OLFM4: variants seen among roughly 807,000 people sequenced by gnomAD.
OLFM4 encodes olfactomedin 4, also known as olfactomedin-4.
In OLFM4, 22 loss-of-function variants were observed where a neutral mutation model predicts 25.5. That is an observed-to-expected ratio of 0.86 (90% confidence interval 0.62 to 1.23). The LOEUF is 1.23. Ranked by LOEUF, OLFM4 falls within the 50% of genes most tolerant of loss-of-function variation. The pLI, the probability that OLFM4 is intolerant of heterozygous loss-of-function variation, is 0.00. For synonymous variants in OLFM4, 255 were observed against 237.7 expected (o/e 1.07, Z -0.67); for missense variants, 594 against 619.4 (o/e 0.96, Z 0.44).
rs895491883 is a variant in OLFM4 at position 53,050,239 on chromosome 13, A to G, written c.1001A>G (p.Tyr334Cys). Reference sequence around the variant, plus strand: ...GGCCAAGGTAGTGGTACAGCAGTTTACAACAACAACATGTACGTCAACATG... The same window carrying G: ...GGCCAAGGTAGTGGTACAGCAGTTTGCAACAACAACATGTACGTCAACATG... ...TYGQGSGTAVYNNNMYVNMYN... is the reference protein window; with the variant it reads ...TYGQGSGTAVCNNNMYVNMYN... The change falls in exon 5 of 5, where the codon TAC becomes TGC. Residue 334 changes from tyrosine to cysteine, a missense_variant. Tyr to Cys is a radical substitution (Grantham distance 194). Coordinates refer to ENST00000219022, the MANE Select transcript of OLFM4 (RefSeq NM_006418.5). 1 of 1,613,946 alleles carries G rather than the reference A, an allele frequency of 6.2e-7. No homozygotes were observed. Among genetic ancestry groups the G allele is most frequent in the African/African-American group, 1.3e-5 (1 of 74,918 alleles).
chr13:53,049,988 T>A lies in OLFM4; in HGVS notation c.750T>A (p.Gly250=). The change falls in exon 5 of 5, where the codon GGT becomes GGA. Residue 250 remains glycine, a synonymous_variant. Coordinates refer to ENST00000219022, the MANE Select transcript of OLFM4 (RefSeq NM_006418.5). ...GTATAGGGAGCTGTGGTCATGGTGGTGTGGTGAACATCAGCAAACCGTCTG... is the reference window on the plus strand; with the variant it reads ...GTATAGGGAGCTGTGGTCATGGTGGAGTGGTGAACATCAGCAAACCGTCTG... ...PPTPGSCGHG[G]VVNISKPSVV... is the part of the protein sequence containing the mutation. 6.2e-7 allele frequency: 1 copy of A among 1,608,226 alleles called. No homozygotes were observed. The highest frequency in any genetic ancestry group is 8.5e-7 in the Non-Finnish European group (1 of 1,175,148).
intron 4 of OLFM4, among the ~76,000 whole-genome samples, chr13:53,045,116 C>T (rs546565034): frequency 6.6e-6 from 1 of 152,108 alleles, no homozygotes; most frequent in Non-Finnish European, 1.5e-5. Flanking sequence ...CTGGTCAGTT[C>T]AGGACCGAAG....
At chr13:53,047,362 G>A (rs1047473661) in intron 4 of OLFM4, among the ~76,000 whole-genome samples, 3 of 152,088 alleles carry the variant, frequency 2.0e-5, no homozygotes, top group Non-Finnish European at 2.9e-5. Flanking sequence ...TTTCAGTATC[G>A]TGTCCAAGAT....
At chr13:53,044,164 C>G (rs999445105) in intron 4 of OLFM4, among the ~76,000 whole-genome samples, 2 of 152,148 alleles carry the variant, frequency 1.3e-5, no homozygotes, top group Non-Finnish European at 2.9e-5. Flanking sequence ...GGCACTCACA[C>G]GCTGGCAATG....
chr13:53,029,158 T>G, intron 1 of OLFM4, 118 bp downstream of exon 1: 1 of 1,430,848 alleles, frequency 7.0e-7, no homozygotes, highest in South Asian at 1.3e-5. Flanking sequence ...TTACGACTCA[T>G]TTTGTTAACT....
chr13:53,050,642 C>T lies in OLFM4; in HGVS notation c.1404C>T (p.Asp468=), dbSNP rs747076426. The T allele has an allele frequency of 4.3e-6, 7 of 1,613,802 alleles. No individual in the cohort carries two copies. Among genetic ancestry groups the T allele is most frequent in the Non-Finnish European group, 2.5e-6 (3 of 1,179,936 alleles). ...DTNTGKEGKL[D]IVMHKMQEKV... The stretch of plus-strand genomic sequence containing the variant: ...ACACAGGGAAAGAGGGCAAACTAGA[C>T]ATTGTAATGCATAAGATGCAGGAAA... Residue 468 remains aspartate, a synonymous_variant, in exon 5 of 5, where the codon GAC becomes GAT. Transcript: ENST00000219022.
In OLFM4 at chr13:53,041,953, T is replaced by A. The variant is rs1954689115; in HGVS notation, c.401T>A (p.Leu134Gln). ...VQLISVYEKK[L>Q]LNLTVRIDIM... ...TTAATTAGTGTGTATGAAAAGAAAC[T>A]GTTAAACCTAACTGTCCGAATTGAC... Residue 134 changes from leucine to glutamine, a missense_variant, in exon 3 of 5, where the codon CTG (leucine) becomes CAG (glutamine). By Grantham distance (113) the Leu-to-Gln change is moderately radical. Transcript: ENST00000219022. 1 of 1,613,872 alleles carries A rather than the reference T, an allele frequency of 6.2e-7. No homozygotes were observed. Among genetic ancestry groups the A allele is most frequent in the African/African-American group, 1.3e-5 (1 of 74,914 alleles).
At chr13:53,034,951 T>G (rs1954650532) in intron 2 of OLFM4, among the ~76,000 whole-genome samples, 1 of 152,176 alleles carries the variant, frequency 6.6e-6, no homozygotes, top group East Asian at 1.9e-4. Flanking sequence ...ATTCCATTCC[T>G]GCATCCTTTA....
chr13:53,033,106 G>A lies in OLFM4; in HGVS notation c.205-1242G>A, dbSNP rs116728189. 5.7e-3 allele frequency among the ~76,000 whole-genome samples: 864 copies of A among 152,252 alleles called. 6 individuals carry two copies. Among genetic ancestry groups the A allele is most frequent in the African/African-American group, 0.019 (808 of 41,548 alleles). ...AGGGTTACTCTGTAAGGCAATAGTA[G>A]TAATAAAAAAATGTTAATTGTGCTG... On this transcript the variant is annotated intron_variant, in intron 1 of 4. Transcript: ENST00000219022.
rs769807500 is a variant in OLFM4 at position 53,050,415 on chromosome 13, TG to T, written c.1180del (p.Val394LeufsTer13). 1 of 1,614,056 alleles carries T rather than the reference TG, an allele frequency of 6.2e-7. No individual in the cohort carries two copies. Among genetic ancestry groups the T allele is most frequent in the South Asian group, 1.1e-5 (1 of 91,072 alleles). On this transcript the variant is annotated frameshift_variant, in exon 5 of 5. Coordinates refer to ENST00000219022, the MANE Select transcript of OLFM4 (RefSeq NM_006418.5). LOFTEE classifies it high-confidence loss of function. Reference protein sequence around the residue: ...IDFAVDENGLWVIYSTEASTG... With the variant: ...IDFAVDENGLXVIYSTEASTG... ...CTTTGCTGTGGATGAGAATGGATTG[TG>T]GGTTATTTATTCAACTGAAGCCAGC...
chr13:53,041,539 G>A (rs765087462), intron 2 of OLFM4, among the ~76,000 whole-genome samples: 1 of 152,118 alleles, frequency 6.6e-6, no homozygotes, highest in Non-Finnish European at 1.5e-5. Context: ...TAGTACCTGC[G>A]AGACAAAATA....
intron 1 of OLFM4, among the ~76,000 whole-genome samples, chr13:53,030,768 T>C (rs760221717): frequency 2.7e-4 from 41 of 152,246 alleles, no homozygotes; most frequent in Non-Finnish European, 4.4e-4. Flanking sequence ...TCTGTACATA[T>C]AGGTTTCTAT....
intron 1 of OLFM4, among the ~76,000 whole-genome samples, chr13:53,032,840 G>A (rs1037330415): frequency 1.3e-5 from 2 of 152,156 alleles, no homozygotes; most frequent in Middle Eastern, 3.4e-3. Flanking sequence ...GAAGCATCTA[G>A]ACCCAGCTTG....
At chr13:53,047,354 T>A (rs1954721032) in intron 4 of OLFM4, among the ~76,000 whole-genome samples, 1 of 152,082 alleles carries the variant, frequency 6.6e-6, no homozygotes, top group African/African-American at 2.4e-5. Flanking sequence ...GCTGTCAGTT[T>A]CAGTATCGTG....
chr13:53,028,980 C>T lies in OLFM4; in HGVS notation c.144C>T (p.Ser48=). 1 of 1,614,182 alleles carries T rather than the reference C, an allele frequency of 6.2e-7. No homozygotes were observed. Among genetic ancestry groups the T allele is most frequent in the African/African-American group, 1.3e-5 (1 of 75,058 alleles). ...TTGACTCCAGCTCCAGCTTCAGCTC[C>T]AGCTCCAGGTCGGGCTCCAGCTCCA... The part of the protein sequence containing the change: ...PGVDSSSSFS[S]SSRSGSSSSR... Residue 48 remains serine (S), a synonymous_variant, in exon 1 of 5, where the codon TCC becomes TCT. Coordinates refer to ENST00000219022, the MANE Select transcript of OLFM4 (RefSeq NM_006418.5).
intron 2 of OLFM4, among the ~76,000 whole-genome samples, chr13:53,041,394 G>A (rs1954686073): frequency 6.6e-6 from 1 of 152,100 alleles, no homozygotes; most frequent in African/African-American, 2.4e-5. Context: ...AATACCACAT[G>A]TTCTCACATA....
intron 2 of OLFM4, among the ~76,000 whole-genome samples, chr13:53,036,984 G>A (rs1255601039): frequency 1.3e-5 from 2 of 152,200 alleles, no homozygotes; most frequent in African/African-American, 4.8e-5. Context: ...AGGAAGAGAT[G>A]CAGTAGTAAT....
Position 53,050,198 on chromosome 13 carries a change from G to A in OLFM4, c.960G>A (p.Glu320=). The change falls in exon 5 of 5, where the codon GAG becomes GAA. Residue 320 remains glutamate (E), a synonymous_variant. Transcript: ENST00000219022. ...TGCTATTGTATATAAATGCTCGAGAGTTGCGGATCACCTATGGCCAAGGTA... is the reference window on the plus strand; with the variant it reads ...TGCTATTGTATATAAATGCTCGAGAATTGCGGATCACCTATGGCCAAGGTA... ...DDLLLYINAR[E]LRITYGQGSG... 6.2e-7 allele frequency: 1 copy of A among 1,614,030 alleles called. No individual in the cohort carries two copies. The highest frequency in any genetic ancestry group is 8.5e-7 in the Non-Finnish European group (1 of 1,179,964).
At chr13:53,039,365 C>T (rs1954675757) in intron 2 of OLFM4, among the ~76,000 whole-genome samples, 1 of 152,196 alleles carries the variant, frequency 6.6e-6, no homozygotes, top group African/African-American at 2.4e-5. Context: ...ATCTGCAGTG[C>T]ACTTCTCAGG....
Sources: gnomAD v4.1 joint callset for allele counts (sites outside exome capture counted in the v4.1 genomes callset) on GRCh38, gnomAD v4.1.1 for gene constraint, MANE v1.5 for transcripts, NCBI Gene and HGNC (gene_info 2026-07-23, HGNC 2026-07-21) for gene names.